Variants in LIMS1 observed in about 807,000 individuals in gnomAD.
LIMS1 encodes the protein LIM and senescent cell antigen-like-containing domain protein 1.
In LIMS1, 18 loss-of-function variants were observed where a neutral mutation model predicts 44.1. The ratio of observed to expected loss-of-function variants is 0.41; its 90% CI spans 0.28 to 0.61. The LOEUF (loss-of-function observed/expected upper bound fraction) is 0.61, where lower values mean the gene tolerates loss of function less well. LIMS1 is among the 20% of genes least tolerant of loss of function. LIMS1 has a pLI of 0.32. For missense variants in LIMS1, 201 were observed against 422.0 expected (o/e 0.48, Z 4.59); for synonymous variants, 93 against 149.1 (o/e 0.62, Z 2.74).
At chr2:108,682,454 C>T (rs1693072075) in intron 9 of LIMS1, among the ~76,000 whole-genome samples, 2 of 151,966 alleles carry the variant, frequency 1.3e-5, no homozygotes, top group South Asian at 2.1e-4. Flanking sequence ...GAGCCGAGAT[C>T]GTGCCACTGC....
At chr2:108,617,012 G>T (rs1456919723) in intron 1 of LIMS1, among the ~76,000 whole-genome samples, 3 of 152,144 alleles carry the variant, frequency 2.0e-5, no homozygotes, top group African/African-American at 7.2e-5. Context: ...AAAGTTAGCT[G>T]CAAAACATAA....
chr2:108,600,710 A>G (rs1317950557), intron 1 of LIMS1, among the ~76,000 whole-genome samples: 1 of 152,088 alleles, frequency 6.6e-6, no homozygotes, highest in Non-Finnish European at 1.5e-5. Context: ...TGGGTTCTCT[A>G]TTCCGTTCCA....
intron 1 of LIMS1, among the ~76,000 whole-genome samples, chr2:108,635,912 A>G (rs1225387558): frequency 6.6e-6 from 1 of 152,210 alleles, no homozygotes; most frequent in East Asian, 1.9e-4. Context: ...CAAAAGGTCT[A>G]AGTACCATCA....
At chr2:108,591,620 T>C in intron 1 of LIMS1, among the ~76,000 whole-genome samples, 1 of 150,690 alleles carries the variant, frequency 6.6e-6, no homozygotes, top group South Asian at 2.1e-4. Flanking sequence ...CCACCATGCC[T>C]GGCTAATTTT....
intron 1 of LIMS1, among the ~76,000 whole-genome samples, chr2:108,571,776 T>A (rs1685488540): frequency 6.6e-6 from 1 of 152,166 alleles, no homozygotes; most frequent in African/African-American, 2.4e-5. Flanking sequence ...AGCACATAAT[T>A]CTGTATGATA....
chr2:108,534,528 G>A (rs143715745), exon 1 of LIMS1: 30,711 of 1,204,784 alleles, frequency 0.025, 753 homozygotes, highest in South Asian at 0.14. Context: ...CGGGAGACGA[G>A]GGGCTGAGAG....
chr2:108,551,491 GCACACACACACACA>G (rs67589132), intron 1 of LIMS1, among the ~76,000 whole-genome samples: 6 of 114,868 alleles, frequency 5.2e-5, no homozygotes, highest in East Asian at 4.7e-4. Flanking sequence ...GCGCGCGCGC[GCACACACACACACA>G]CACACACACA....
chr2:108,573,193 C>T (rs1289416764), intron 1 of LIMS1, among the ~76,000 whole-genome samples: 1 of 152,168 alleles, frequency 6.6e-6, no homozygotes, highest in African/African-American at 2.4e-5. Context: ...TAAATACTTA[C>T]TCTCAATTTC....
At chr2:108,622,577 C>T (rs1285544304) in intron 1 of LIMS1, among the ~76,000 whole-genome samples, 1 of 152,136 alleles carries the variant, frequency 6.6e-6, no homozygotes, top group Non-Finnish European at 1.5e-5. Context: ...TGTCTCTTAG[C>T]TACATTTAAT....
At chr2:108,587,554 G>A (rs997080846) in intron 1 of LIMS1, among the ~76,000 whole-genome samples, 24 of 152,078 alleles carry the variant, frequency 1.6e-4, no homozygotes, top group Non-Finnish European at 2.2e-4. Context: ...TACCATCCTA[G>A]AAATGCAGTT....
chr2:108,678,010 G>A lies in LIMS1; in HGVS notation c.806G>A (p.Arg269His), dbSNP rs776194272. The A allele has an allele frequency of 2.1e-5, 34 of 1,604,280 alleles. No individual in the cohort carries two copies. The highest frequency in any genetic ancestry group is 1.2e-4 in the Admixed American group (7 of 57,272). ...GGTGATGTTTGCTTCCACTGCAATC[G>A]TGTTATAGAAGGTGATGGTAAGTAT... is the stretch of plus-strand genomic sequence containing the variant. The change falls in exon 8 of 10, where the codon CGT becomes CAT. Residue 269 changes from arginine to histidine, a missense_variant. Arg to His is a conservative substitution (Grantham distance 29). This residue lies in a region of LIMS1 where 17 missense variants were observed against 38.5 expected (regional missense o/e 0.44). Coordinates refer to ENST00000544547, the Ensembl canonical transcript of LIMS1.
At chr2:108,671,453 T>G (rs1367861491) in intron 3 of LIMS1, among the ~76,000 whole-genome samples, 15 of 152,204 alleles carry the variant, frequency 9.9e-5, no homozygotes, top group Admixed American at 9.2e-4. Flanking sequence ...ACCAACTTGC[T>G]TTTGGTTTTG....
intron 1 of LIMS1, among the ~76,000 whole-genome samples, chr2:108,590,476 A>T (rs549884764): frequency 9.3e-4 from 141 of 152,258 alleles, no homozygotes; most frequent in Non-Finnish European, 1.7e-3. Flanking sequence ...AATATTCTGA[A>T]TGAACATAAA....
At chr2:108,669,521 A>G (rs1281488103) in intron 2 of LIMS1, among the ~76,000 whole-genome samples, 1 of 152,196 alleles carries the variant, frequency 6.6e-6, no homozygotes, top group African/African-American at 2.4e-5. Context: ...GATGCACTAA[A>G]TCTATAGCCA....
intron 1 of LIMS1, among the ~76,000 whole-genome samples, chr2:108,605,342 CAG>C (rs1425145554): frequency 6.6e-6 from 1 of 152,150 alleles, no homozygotes; most frequent in South Asian, 2.1e-4. Flanking sequence ...GTTAATCCTG[CAG>C]AGTCTGTGAG....
At chr2:108,625,620 T>G (rs1688529096) in intron 1 of LIMS1, among the ~76,000 whole-genome samples, 1 of 150,752 alleles carries the variant, frequency 6.6e-6, no homozygotes, top group Non-Finnish European at 1.5e-5. Context: ...GTATCCCTAA[T>G]AGTTTAGGAG....
At chr2:108,591,206 T>G (rs1176515378) in intron 1 of LIMS1, among the ~76,000 whole-genome samples, 1 of 152,114 alleles carries the variant, frequency 6.6e-6, no homozygotes, top group Non-Finnish European at 1.5e-5. Flanking sequence ...TCAGTTGACA[T>G]TTGAGTGGTT....
intron 1 of LIMS1, among the ~76,000 whole-genome samples, chr2:108,555,087 C>T (rs910893725): frequency 7.2e-5 from 11 of 152,188 alleles, no homozygotes; most frequent in African/African-American, 2.7e-4. Context: ...CACCCTTAGC[C>T]ATGAGAATCC....
chr2:108,602,369 C>A (rs1221263553), intron 1 of LIMS1, among the ~76,000 whole-genome samples: 1 of 152,170 alleles, frequency 6.6e-6, no homozygotes, highest in African/African-American at 2.4e-5. Flanking sequence ...TTGTCGTGTT[C>A]CAGATTTTAG....
Sources: allele counts gnomAD v4.1 joint callset (sites outside exome capture counted in the v4.1 genomes callset), GRCh38; gene constraint gnomAD v4.1.1; regional missense constraint gnomAD v4.1.1; transcripts MANE v1.5; gene names NCBI Gene and HGNC (gene_info 2026-07-23, HGNC 2026-07-21).